ITPRIPL1: variants seen among roughly 807,000 people sequenced by gnomAD.
ITPRIPL1 encodes the protein inositol 1,4,5-trisphosphate receptor-interacting protein-like 1.
A neutral mutation model predicts 40.0 loss-of-function variants in ITPRIPL1; 28 were observed. The observed-to-expected ratio is 0.70, with a 90% CI of 0.52 to 0.96. The LOEUF is 0.96. Among genes scored for constraint, ITPRIPL1 ranks in the 40% least tolerant of loss-of-function variants. The pLI is 0.00. For missense variants in ITPRIPL1, 638 were observed against 698.0 expected (o/e 0.91, Z 0.97); for synonymous variants, 251 against 275.7 (o/e 0.91, Z 0.89).
chr2:96,327,627 T>C lies in ITPRIPL1; in HGVS notation c.996T>C (p.Leu332=), dbSNP rs773666350. The stretch of plus-strand genomic sequence containing the variant: ...ACATGATGGGCAATGCCTGGGCCCT[T>C]GTGGCCCACAAGTATGACTTTAAAC... ...FRNMMGNAWA[L]VAHKYDFKLS... The change falls in exon 3 of 3, where the codon CTT becomes CTC. Residue 332 remains leucine, a synonymous_variant. Transcript: ENST00000439118. The C allele has an allele frequency of 1.9e-6, 3 of 1,610,912 alleles. No homozygotes were observed. The highest frequency in any genetic ancestry group is 2.5e-6 in the Non-Finnish European group (3 of 1,178,782).
chr2:96,326,128 C>T (rs2064104292), intron 2 of ITPRIPL1: 11 of 1,467,222 alleles, frequency 7.5e-6, no homozygotes, highest in Non-Finnish European at 8.2e-6. Flanking sequence ...TGATGAGGCT[C>T]ACTTCATACT....
In ITPRIPL1 at chr2:96,328,115, T is replaced by C. The variant is rs769978362; in HGVS notation, c.1484T>C (p.Ile495Thr). Residue 495 changes from isoleucine to threonine, a missense_variant, in exon 3 of 3, where the codon ATT becomes ACT. Ile to Thr is a moderately conservative substitution (Grantham distance 89). Coordinates refer to ENST00000439118, the MANE Select transcript of ITPRIPL1 (RefSeq NM_001008949.3). ...CAAAGGTCCCTCCATCATTTCCTCATTGGTAACAATTTTCTGCCCCTGACC... is the reference window on the plus strand; with the variant it reads ...CAAAGGTCCCTCCATCATTTCCTCACTGGTAACAATTTTCTGCCCCTGACC... ...LQQRSLHHFL[I>T]GNNFLPLTIP... 6 of 1,614,076 alleles carry C rather than the reference T, an allele frequency of 3.7e-6. No individual in the cohort carries two copies. Among genetic ancestry groups the C allele is most frequent in the Non-Finnish European group, 5.1e-6 (6 of 1,180,018 alleles).
Position 96,326,820 on chromosome 2 carries a change from GCGAGCCGC to G in ITPRIPL1, c.190_197del (p.Arg64Ter). 6.2e-7 allele frequency: 1 copy of G among 1,614,210 alleles called. No individual in the cohort carries two copies. The highest frequency in any genetic ancestry group is 8.5e-7 in the Non-Finnish European group (1 of 1,180,030). ...TAGAGATGGAGTTTGAAGAGAGAAA[GCGAGCCGC>G]TGAGCAGAGGCAGAAGGCAGAGAAC... On this transcript the variant is annotated frameshift_variant, in exon 3 of 3. Transcript: ENST00000439118. LOFTEE classifies it high-confidence loss of function.
rs770067949 is a variant in ITPRIPL1, at chr2:96,327,039, C to T, written c.408C>T (p.Ala136=). ...LLRQNMQHEP[A]FDSSSEEEEE... ...GACAGAACATGCAGCATGAACCGGC[C>T]TTTGATTCCAGCAGTGAGGAGGAGG... Residue 136 remains alanine, a synonymous_variant, in exon 3 of 3, where the codon GCC becomes GCT. Coordinates refer to ENST00000439118, the MANE Select transcript of ITPRIPL1 (RefSeq NM_001008949.3). 3.7e-6 allele frequency: 6 copies of T among 1,614,206 alleles called. No homozygotes were observed. Among genetic ancestry groups the T allele is most frequent in the Non-Finnish European group, 5.1e-6 (6 of 1,180,038 alleles).
Position 96,327,356 on chromosome 2 carries a change from T to TC in ITPRIPL1, c.731dup (p.Gln245ThrfsTer32), listed in dbSNP as rs749417016. ...AAATTTGATATCCTGGTGCCCATTG[T>TC]CCCCCCACAGGGCACCATGTTTGTC... On this transcript the variant is annotated frameshift_variant, in exon 3 of 3. Transcript: ENST00000439118. LOFTEE classifies it high-confidence loss of function. 2 of 1,613,902 alleles carry TC rather than the reference T, an allele frequency of 1.2e-6. No individual in the cohort carries two copies. The highest frequency in any genetic ancestry group is 2.2e-5 in the East Asian group (1 of 44,856).
chr2:96,327,760 G>T lies in ITPRIPL1; in HGVS notation c.1129G>T (p.Val377Phe). Residue 377 changes from valine to phenylalanine, a missense_variant, in exon 3 of 3, where the codon GTC becomes TTC. Physicochemically the swap from Val to Phe is conservative, Grantham distance 50 (BLOSUM62 -1). Transcript: ENST00000439118. ...VLGVQREDTL[V>F]YLVSQAPDQE... is the part of the protein sequence containing the mutation. The stretch of plus-strand genomic sequence containing the variant: ...GGGGGTGCAACGAGAAGACACCTTG[G>T]TCTACCTGGTGAGTCAGGCTCCTGA... 1 of 1,613,696 alleles carries T rather than the reference G, an allele frequency of 6.2e-7. No homozygotes were observed. The highest frequency in any genetic ancestry group is 1.1e-5 in the South Asian group (1 of 91,054).
At position 96,325,735 on chromosome 2, in the gene ITPRIPL1, A is replaced by G; in HGVS notation, c.-93-12A>G. On this transcript the variant is annotated splice_polypyrimidine_tract_variant and intron_variant, in intron 1 of 2. Coordinates refer to ENST00000439118, the MANE Select transcript of ITPRIPL1 (RefSeq NM_001008949.3). ...GAGCCAAAGCCCCCAGGTACCTTGT[A>G]CATTTTAACAGGGCTCCTAGAGAGG... The G allele has an allele frequency of 8.4e-7, 1 of 1,196,632 alleles. No homozygotes were observed. The highest frequency in any genetic ancestry group is 1.9e-4 in the Middle Eastern group (1 of 5,300). 74.1% of individuals were successfully genotyped at this position (1,196,632 alleles called of 1,614,324 possible). A position where few individuals can be genotyped will look rare whatever the true frequency, so the allele number is the denominator to read the frequency against.
rs749493011 is a variant in ITPRIPL1, at chr2:96,326,768, A to C, written c.137A>C (p.Lys46Thr). Reference sequence around the variant, plus strand: ...TTAGCCAGGAGTCGGCAGCTGGAGAAGCGAATGAGTGAGGAGATGCGCCTG... The same window carrying C: ...TTAGCCAGGAGTCGGCAGCTGGAGACGCGAATGAGTGAGGAGATGCGCCTG... ...DTLARSRQLE[K>T]RMSEEMRLLE... The change falls in exon 3 of 3, where the codon AAG becomes ACG. Residue 46 changes from lysine (K) to threonine (T), a missense_variant. Transcript: ENST00000439118. 8 of 1,614,110 alleles carry C rather than the reference A, an allele frequency of 5.0e-6. No individual in the cohort carries two copies. The highest frequency in any genetic ancestry group is 5.9e-6 in the Non-Finnish European group (7 of 1,180,054).
At chr2:96,328,941 C>G (rs1168997776), downstream of ITPRIPL1, 3 of 151,618 alleles carry the variant, frequency 2.0e-5, no homozygotes, top group Non-Finnish European at 4.4e-5. Context: ...TTCAAGACCA[C>G]CCCGGGCAAC....
rs2064121015 is a variant in ITPRIPL1, at chr2:96,327,355, G to A, written c.724G>A (p.Val242Ile). The change falls in exon 3 of 3, where the codon GTC (valine) becomes ATC (isoleucine). Residue 242 changes from valine to isoleucine, a missense_variant. By Grantham distance (29) the Val-to-Ile change is conservative. Coordinates refer to ENST00000439118, the MANE Select transcript of ITPRIPL1 (RefSeq NM_001008949.3). Reference sequence around the variant, plus strand: ...GAAATTTGATATCCTGGTGCCCATTGTCCCCCCACAGGGCACCATGTTTGT... The same window carrying A: ...GAAATTTGATATCCTGGTGCCCATTATCCCCCCACAGGGCACCATGTTTGT... ...TQKFDILVPIVPPQGTMFVLE... is the reference protein window; with the variant it reads ...TQKFDILVPIIPPQGTMFVLE... 1.9e-6 allele frequency: 3 copies of A among 1,614,016 alleles called. No homozygotes were observed. The South Asian group carries it at 3.3e-5, about 18-fold the overall frequency.
rs765954477 is a variant in ITPRIPL1 at position 96,326,703 on chromosome 2, C to G, written c.72C>G (p.His24Gln). The change falls in exon 3 of 3, where the codon CAC (histidine) becomes CAG (glutamine). Residue 24 changes from histidine to glutamine, a missense_variant. His to Gln is a conservative substitution (Grantham distance 24, BLOSUM62 0). Transcript: ENST00000439118. ...LLFLAVMYVVHHPLMVSDRMD... is the reference protein window; with the variant it reads ...LLFLAVMYVVQHPLMVSDRMD... ...TCTTGGCAGTGATGTATGTTGTTCA[C>G]CACCCTCTGATGGTCAGTGATCGGA... 6.2e-7 allele frequency: 1 copy of G among 1,614,248 alleles called. No individual in the cohort carries two copies. Among genetic ancestry groups the G allele is most frequent in the Non-Finnish European group, 8.5e-7 (1 of 1,180,054 alleles).
chr2:96,329,580 A>C (rs1355475324), downstream of ITPRIPL1: 2 of 149,902 alleles, frequency 1.3e-5, no homozygotes. Context: ...TTTTTTCAAA[A>C]ATGACAAAGG....
rs774069968 is a variant in ITPRIPL1, at chr2:96,328,298, G to A, written c.1667G>A (p.Ter556=). ...CATGCCCCACTGGCTGCAGCACCTT[G>A]ATGTAAAGACCATTAAAAAAAAAAC... The part of the protein sequence containing the change: ...LPHAPLAAAP[*] Residue 556 remains the stop codon, a stop_retained_variant, in exon 3 of 3, where the codon TGA becomes TAA. Coordinates refer to ENST00000439118, the MANE Select transcript of ITPRIPL1 (RefSeq NM_001008949.3). 6.2e-7 allele frequency: 1 copy of A among 1,600,268 alleles called. No homozygotes were observed. The highest frequency in any genetic ancestry group is 8.5e-7 in the Non-Finnish European group (1 of 1,174,972).
rs749204943 is a variant in ITPRIPL1 at position 96,325,551 on chromosome 2, C to T, written c.-108C>T. 1.8e-5 allele frequency: 10 copies of T among 552,980 alleles called. No homozygotes were observed. Among genetic ancestry groups the T allele is most frequent in the Non-Finnish European group, 2.6e-5 (8 of 307,116 alleles). 34.3% of individuals were successfully genotyped at this position (552,980 alleles called of 1,614,324 possible). On this transcript the variant is annotated 5_prime_UTR_variant, in exon 1 of 3. Coordinates refer to ENST00000439118, the MANE Select transcript of ITPRIPL1 (RefSeq NM_001008949.3). ...GCGCTGTCTCTTTAAGATCGTGTTC[C>T]TACTAACACTGACGGTGAGTAACCT...
chr2:96,329,149 T>TATATA (rs1491189389), downstream of ITPRIPL1: 1 of 85,192 alleles, frequency 1.2e-5, no homozygotes, highest in Non-Finnish European at 2.1e-5. Flanking sequence ...AAAAAAAAAA[T>TATATA]TATATATATA....
In ITPRIPL1 at chr2:96,327,495, C is replaced by T. The variant is rs1450020936; in HGVS notation, c.864C>T (p.His288=). 2 of 1,614,066 alleles carry T rather than the reference C, an allele frequency of 1.2e-6. No individual in the cohort carries two copies. The highest frequency in any genetic ancestry group is 1.7e-6 in the Non-Finnish European group (2 of 1,180,008). The change falls in exon 3 of 3, where the codon CAC becomes CAT. Residue 288 remains histidine (H), a synonymous_variant. Coordinates refer to ENST00000439118, the MANE Select transcript of ITPRIPL1 (RefSeq NM_001008949.3). ...LLGDVLCLVH[H]HRDPSAVLGK... ...GGGACGTGCTGTGCCTGGTGCACCACCACAGGGACCCCTCGGCAGTCTTGG... is the reference window on the plus strand; with the variant it reads ...GGGACGTGCTGTGCCTGGTGCACCATCACAGGGACCCCTCGGCAGTCTTGG...
At position 96,327,510 on chromosome 2, in the gene ITPRIPL1, G is replaced by A. The variant is rs75541112; in HGVS notation, c.879G>A (p.Ser293=). The change falls in exon 3 of 3, where the codon TCG becomes TCA. Residue 293 remains serine (S), a synonymous_variant. Coordinates refer to ENST00000439118, the MANE Select transcript of ITPRIPL1 (RefSeq NM_001008949.3). ...TGGTGCACCACCACAGGGACCCCTC[G>A]GCAGTCTTGGGGAAGTGTAGTAGCT... ...LCLVHHHRDP[S]AVLGKCSSSI... The A allele has an allele frequency of 1.0e-3, 1,674 of 1,613,998 alleles. 36 individuals are homozygous for A. The East Asian group carries it at 0.032, about 31-fold the overall frequency.
chr2:96,325,522 G>C lies in ITPRIPL1; in HGVS notation c.-137G>C, dbSNP rs1055710244. 16 of 464,276 alleles carry C rather than the reference G, an allele frequency of 3.4e-5. No homozygotes were observed. Among genetic ancestry groups the C allele is most frequent in the African/African-American group, 2.0e-5 (1 of 50,848 alleles). The allele number at this position is 464,276 out of a possible 1,614,324, so 28.8% of individuals were successfully genotyped here. A position where few individuals can be genotyped will look rare whatever the true frequency, so the allele number is the denominator to read the frequency against. On this transcript the variant is annotated 5_prime_UTR_variant, in exon 1 of 3. Coordinates refer to ENST00000439118, the MANE Select transcript of ITPRIPL1 (RefSeq NM_001008949.3). ...GCCGGGAAAAAAGCAGTGGCGGTCAGGCCGCGCTGTCTCTTTAAGATCGTG... is the reference window on the plus strand; with the variant it reads ...GCCGGGAAAAAAGCAGTGGCGGTCACGCCGCGCTGTCTCTTTAAGATCGTG...
At chr2:96,325,650 A>C in intron 1 of ITPRIPL1, 85 bp downstream of exon 1, 1 of 651,604 alleles carries the variant, frequency 1.5e-6, no homozygotes, top group Admixed American at 2.4e-5. Flanking sequence ...GTGAGAGTAC[A>C]AATCTCTGGG....
Sources: gnomAD v4.1 joint callset for allele counts on GRCh38, gnomAD v4.1.1 for gene constraint, MANE v1.5 for transcripts, NCBI Gene and HGNC (gene_info 2026-07-23, HGNC 2026-07-21) for gene names.